Variants in BABAM2 observed in about 807,000 individuals in gnomAD.
The protein encoded by BABAM2 is BRISC and BRCA1-A complex member 2.
BABAM2 carries 31 observed loss-of-function variants against 54.7 expected under a neutral mutation model. The observed-to-expected ratio is 0.57, with a 90% confidence interval of 0.43 to 0.77. BABAM2 has a LOEUF of 0.77. BABAM2 is among the 30% of genes least tolerant of loss of function. The pLI is 0.00. For missense variants in BABAM2, 364 were observed against 455.8 expected, an observed-to-expected ratio of 0.80 and a Z score of 1.83; for synonymous variants, 167 against 162.9, an observed-to-expected ratio of 1.03 and a Z score of -0.19.
chr2:28,102,652 G>T (rs553384418), intron 6 of BABAM2, among the ~76,000 whole-genome samples: 2 of 152,154 alleles, frequency 1.3e-5, no homozygotes, highest in African/African-American at 4.8e-5. Context: ...GTTACAGTAG[G>T]TAGGATGCAG....
rs781093127 is a variant in BABAM2, at chr2:28,129,351, C to T, written c.651C>T (p.Pro217=). 8 of 1,613,948 alleles carry T rather than the reference C, an allele frequency of 5.0e-6. No homozygotes were observed. The highest frequency in any genetic ancestry group is 5.9e-6 in the Non-Finnish European group (7 of 1,179,904). The change falls in exon 7 of 12, where the codon CCC becomes CCT. Residue 217 remains proline (P), a synonymous_variant. Coordinates refer to ENST00000379624, the MANE Select transcript of BABAM2 (RefSeq NM_199191.3). ...FEDTEATQVY[P]KLYLSPRIEH... is the part of the protein sequence containing the mutation. ...ACACTGAAGCCACCCAGGTGTACCC[C>T]AAGCTGTACTTGTCACCTCGAATTG...
rs1046298337 is a variant in BABAM2 at position 28,039,558 on chromosome 2, C to G, written c.496-6167C>G. Among the ~76,000 whole-genome samples, 7 of 152,198 alleles carry G rather than the reference C, an allele frequency of 4.6e-5. No individual in the cohort carries two copies. In the South Asian group the frequency reaches 1.4e-3, roughly 31 times the overall value. Reference sequence around the variant, plus strand: ...TGAGTGTTTCTTAGCTTTTAGCTGTCTAAGTGGTAAGAGCAGTCAATTTCA... The same window carrying G: ...TGAGTGTTTCTTAGCTTTTAGCTGTGTAAGTGGTAAGAGCAGTCAATTTCA... On this transcript the variant is annotated intron_variant, in intron 5 of 11. Transcript: ENST00000379624.
At chr2:28,279,391 C>T (rs1686151235) in intron 10 of BABAM2, among the ~76,000 whole-genome samples, 1 of 152,122 alleles carries the variant, frequency 6.6e-6, no homozygotes, top group African/African-American at 2.4e-5. Flanking sequence ...CTTTGATTAT[C>T]TCCTAAATAA....
chr2:28,237,900 T>A (rs1682060951), intron 8 of BABAM2, among the ~76,000 whole-genome samples: 1 of 152,108 alleles, frequency 6.6e-6, no homozygotes, highest in East Asian at 1.9e-4. Context: ...TCGCCTGGGC[T>A]GGAATGTAGT....
intron 2 of BABAM2, among the ~76,000 whole-genome samples, chr2:27,906,604 A>G (rs906214124): frequency 1.3e-5 from 2 of 152,174 alleles, no homozygotes; most frequent in Non-Finnish European, 2.9e-5. Flanking sequence ...AGTAAGTGCC[A>G]GGATAAATTG....
intron 11 of BABAM2, among the ~76,000 whole-genome samples, chr2:28,317,560 C>T (rs766492257): frequency 1.2e-4 from 19 of 152,172 alleles, no homozygotes; most frequent in Non-Finnish European, 1.9e-4. Flanking sequence ...CCCAGGGCAG[C>T]GATCATGGGA....
intron 7 of BABAM2, among the ~76,000 whole-genome samples, chr2:28,132,036 C>T (rs941147079): frequency 6.6e-6 from 1 of 152,018 alleles, no homozygotes; most frequent in Non-Finnish European, 1.5e-5. Context: ...AAAAATCTAA[C>T]GTGTGGGAAA....
intron 10 of BABAM2, among the ~76,000 whole-genome samples, chr2:28,272,607 G>C (rs1685510580): frequency 6.6e-6 from 1 of 152,228 alleles, no homozygotes; most frequent in Non-Finnish European, 1.5e-5. Flanking sequence ...TCAAGAATTG[G>C]ACAGAACTTT....
chr2:27,890,607 C>T (rs1385205146), upstream of BABAM2: 6 of 444,642 alleles, frequency 1.3e-5, no homozygotes, highest in Non-Finnish European at 2.4e-5. The surrounding 1 kb of genome is among the most constrained non-coding windows in gnomAD (Gnocchi z 4.8). Context: ...GGGGCAGGCG[C>T]TGAGGAAGGA....
Position 28,338,598 on chromosome 2 carries a change from G to A in BABAM2, c.*85G>A. ...TACAGCCGCTTCCTGGAAGCCGCCT[G>A]GAATGTCTTCACGGCAGCGTTTTGC... On this transcript the variant is annotated 3_prime_UTR_variant, in exon 12 of 12. Transcript: ENST00000379624. The A allele has an allele frequency of 6.7e-7, 1 of 1,500,164 alleles. No homozygotes were observed. The highest frequency in any genetic ancestry group is 9.3e-7 in the Non-Finnish European group (1 of 1,079,122). 92.9% of individuals were successfully genotyped at this position (1,500,164 alleles called of 1,614,324 possible).
chr2:28,225,300 G>A (rs962708983), intron 7 of BABAM2, among the ~76,000 whole-genome samples: 3 of 152,212 alleles, frequency 2.0e-5, no homozygotes, highest in African/African-American at 7.2e-5. Flanking sequence ...GGGCGCCAGG[G>A]AGGAAGGATG....
At chr2:27,912,238 C>G (rs1558580859) in intron 2 of BABAM2, among the ~76,000 whole-genome samples, 1 of 151,900 alleles carries the variant, frequency 6.6e-6, no homozygotes, top group Non-Finnish European at 1.5e-5. Flanking sequence ...CATTCGCAGA[C>G]TCCTTATTCT....
intron 4 of BABAM2, among the ~76,000 whole-genome samples, chr2:27,989,138 A>G (rs1350870755): frequency 6.6e-6 from 1 of 152,094 alleles, no homozygotes; most frequent in Non-Finnish European, 1.5e-5. Flanking sequence ...TGAGTTCAAT[A>G]TGGCCCCTTT....
chr2:28,014,607 CTT>C (rs879108202), intron 4 of BABAM2, among the ~76,000 whole-genome samples: 14 of 123,974 alleles, frequency 1.1e-4, no homozygotes, highest in Non-Finnish European at 1.1e-4. Flanking sequence ...CTTTCTTTTT[CTT>C]TTTTTTTTTT....
intron 2 of BABAM2, among the ~76,000 whole-genome samples, chr2:27,926,460 T>C (rs1203046929): frequency 6.6e-6 from 1 of 152,242 alleles, no homozygotes; most frequent in African/African-American, 2.4e-5. Flanking sequence ...TTCCCAGAAC[T>C]TGGCATGGTG....
chr2:28,163,181 G>GC (rs1322049367), intron 7 of BABAM2, among the ~76,000 whole-genome samples: 1 of 152,064 alleles, frequency 6.6e-6, no homozygotes, highest in Non-Finnish European at 1.5e-5. Context: ...CTCCTCAGAT[G>GC]CCTCCCAGCC....
intron 2 of BABAM2, among the ~76,000 whole-genome samples, chr2:27,911,630 C>T (rs1666604808): frequency 6.6e-6 from 1 of 152,132 alleles, no homozygotes; most frequent in South Asian, 2.1e-4. Context: ...TTCAAGGTAT[C>T]ATTACTTCTT....
chr2:28,112,738 G>A (rs1041717656), intron 6 of BABAM2, among the ~76,000 whole-genome samples: 7 of 152,144 alleles, frequency 4.6e-5, no homozygotes, highest in African/African-American at 1.4e-4. Context: ...TGGGATTGCT[G>A]GGTCAAATGG....
Position 28,100,316 on chromosome 2 carries a change from C to T in BABAM2, c.571-28955C>T, listed in dbSNP as rs577062418. On this transcript the variant is annotated intron_variant, in intron 6 of 11. Transcript: ENST00000379624. Reference sequence around the variant, plus strand: ...TCTATCAAAAACATAAAAAATTAACCGGGTGTGGTGGCGCGTGCCTGTAAT... The same window carrying T: ...TCTATCAAAAACATAAAAAATTAACTGGGTGTGGTGGCGCGTGCCTGTAAT... 9.2e-5 allele frequency among the ~76,000 whole-genome samples: 14 copies of T among 151,828 alleles called. No homozygotes were observed. In the South Asian group the frequency reaches 1.5e-3, roughly 16 times the overall value.
Sources: allele counts gnomAD v4.1 joint callset (sites outside exome capture counted in the v4.1 genomes callset), GRCh38; gene constraint gnomAD v4.1.1; non-coding constraint Gnocchi (gnomAD v3.1); transcripts MANE v1.5; gene names NCBI Gene and HGNC (gene_info 2026-07-23, HGNC 2026-07-21).